NCAM2: variants seen among roughly 807,000 people sequenced by gnomAD.
The protein encoded by NCAM2 is N-CAM-2.
Under a neutral mutation model 98.1 loss-of-function variants are expected in NCAM2, and 30 were observed. The ratio of observed to expected loss-of-function variants is 0.31; its 90% CI spans 0.23 to 0.41. The LOEUF (loss-of-function observed/expected upper bound fraction) is 0.41, where lower values mean the gene tolerates loss of function less well. Among genes scored for constraint, NCAM2 ranks in the 10% least tolerant of loss-of-function variants. NCAM2 has a pLI of 1.00. For synonymous variants in NCAM2, 368 were observed against 342.4 expected (o/e 1.07, Z -0.83); for missense variants, 867 against 1,005.8 (o/e 0.86, Z 1.87).
intron 1 of NCAM2, among the ~76,000 whole-genome samples, chr21:21,245,756 C>A (rs901201328): frequency 1.3e-5 from 2 of 152,048 alleles, no homozygotes; most frequent in African/African-American, 4.8e-5. Context: ...TTATTTCTTT[C>A]TTTCTTCCCT....
intron 1 of NCAM2, among the ~76,000 whole-genome samples, chr21:21,229,354 T>C (rs2070524623): frequency 6.6e-6 from 1 of 151,550 alleles, no homozygotes; most frequent in Non-Finnish European, 1.5e-5. Context: ...GTCAAAATTA[T>C]ATTCGAAATA....
chr21:21,267,557 G>T (rs766893935), intron 1 of NCAM2, among the ~76,000 whole-genome samples: 4 of 151,940 alleles, frequency 2.6e-5, no homozygotes, highest in African/African-American at 4.8e-5. Flanking sequence ...ATTGTGTAAA[G>T]ATTTTTCACA....
intron 1 of NCAM2, among the ~76,000 whole-genome samples, chr21:21,105,291 G>T (rs73332340): frequency 0.11 from 17,322 of 151,970 alleles, 1,957 homozygotes; most frequent in African/African-American, 0.29. Flanking sequence ...AATTATGAAG[G>T]GTCCATGTAA....
At chr21:21,518,029 A>T (rs1988808036) in intron 16 of NCAM2, among the ~76,000 whole-genome samples, 1 of 152,194 alleles carries the variant, frequency 6.6e-6, no homozygotes, top group Non-Finnish European at 1.5e-5. Context: ...TCATAAAATG[A>T]GAATTTACAG....
chr21:21,228,606 A>G (rs2070488602), intron 1 of NCAM2, among the ~76,000 whole-genome samples: 1 of 151,548 alleles, frequency 6.6e-6, no homozygotes, highest in Non-Finnish European at 1.5e-5. Context: ...TTTCAAAATT[A>G]TATGTTAAAA....
intron 1 of NCAM2, among the ~76,000 whole-genome samples, chr21:21,185,466 T>C (rs1409856044): frequency 6.6e-6 from 1 of 152,182 alleles, no homozygotes; most frequent in African/African-American, 2.4e-5. Context: ...CTAGAATTAT[T>C]TCTACTTTAC....
intron 14 of NCAM2, among the ~76,000 whole-genome samples, chr21:21,469,993 A>G (rs569225956): frequency 2.0e-5 from 3 of 152,144 alleles, no homozygotes; most frequent in Admixed American, 6.6e-5. Context: ...GTTGCTCACA[A>G]TTCTAGGATG....
intron 1 of NCAM2, among the ~76,000 whole-genome samples, chr21:21,098,863 C>T (rs763480280): frequency 2.0e-5 from 3 of 151,610 alleles, no homozygotes; most frequent in Non-Finnish European, 4.4e-5. Context: ...TCATGCAGGC[C>T]ACAATTTTCA....
chr21:21,470,972 A>T (rs1984368136), intron 14 of NCAM2, among the ~76,000 whole-genome samples: 1 of 152,058 alleles, frequency 6.6e-6, no homozygotes, highest in African/African-American at 2.4e-5. Context: ...GTAATTAATC[A>T]AATATAAAGT....
intron 9 of NCAM2, chr21:21,385,590 CTT>C (rs1602179736): frequency 7.9e-7 from 1 of 1,271,500 alleles, no homozygotes; most frequent in Non-Finnish European, 1.0e-6. Flanking sequence ...CTCAAAACCT[CTT>C]TTGTGTTTCA....
At chr21:21,523,522 C>G (rs1223316954) in intron 16 of NCAM2, among the ~76,000 whole-genome samples, 1 of 151,676 alleles carries the variant, frequency 6.6e-6, no homozygotes, top group Non-Finnish European at 1.5e-5. Context: ...AAATTAAAAA[C>G]TTTTACTTTT....
At chr21:21,457,834 A>G (rs1225986016) in intron 12 of NCAM2, among the ~76,000 whole-genome samples, 3 of 152,192 alleles carry the variant, frequency 2.0e-5, no homozygotes, top group Non-Finnish European at 2.9e-5. Context: ...TTAAAGATAG[A>G]ATTATTAATC....
intron 1 of NCAM2, among the ~76,000 whole-genome samples, chr21:21,116,625 C>A (rs563773506): frequency 1.3e-5 from 2 of 152,118 alleles, no homozygotes; most frequent in Non-Finnish European, 2.9e-5. Flanking sequence ...GAGGCCGAGG[C>A]AGGTGGATCA....
chr21:21,258,920 C>T (rs2071779498), intron 1 of NCAM2, among the ~76,000 whole-genome samples: 1 of 152,074 alleles, frequency 6.6e-6, no homozygotes, highest in African/African-American at 2.4e-5. Flanking sequence ...CCATAAAGCT[C>T]ATCTTGGGAC....
At chr21:21,114,669 G>C (rs890159595) in intron 1 of NCAM2, among the ~76,000 whole-genome samples, 14 of 152,146 alleles carry the variant, frequency 9.2e-5, no homozygotes, top group African/African-American at 3.1e-4. Flanking sequence ...ATAAACCACT[G>C]ATCAGTATCT....
At chr21:21,177,199 A>G (rs1236124287) in intron 1 of NCAM2, among the ~76,000 whole-genome samples, 1 of 152,060 alleles carries the variant, frequency 6.6e-6, no homozygotes. Context: ...TCGTGTGTAG[A>G]TCCTATGTTT....
chr21:21,308,672 A>T (rs2073954112), intron 5 of NCAM2, among the ~76,000 whole-genome samples: 1 of 152,074 alleles, frequency 6.6e-6, no homozygotes, highest in Non-Finnish European at 1.5e-5. Flanking sequence ...AATTTAGAAA[A>T]GTTTTAGTCA....
Position 21,500,695 on chromosome 21 carries a change from A to G in NCAM2, c.2078-8156A>G, listed in dbSNP as rs1602508892. On this transcript the variant is annotated intron_variant, in intron 15 of 17. Transcript: ENST00000400546. Reference sequence around the variant, plus strand: ...TACATATATTTCTAATTATCTATGTAGTTTAACTGAGAGAAGTCTATCAAA... The same window carrying G: ...TACATATATTTCTAATTATCTATGTGGTTTAACTGAGAGAAGTCTATCAAA... Among the ~76,000 whole-genome samples, 3 of 152,274 alleles carry G rather than the reference A, an allele frequency of 2.0e-5. No homozygotes were observed. The South Asian group carries it at 6.2e-4, about 32-fold the overall frequency.
intron 1 of NCAM2, among the ~76,000 whole-genome samples, chr21:21,249,852 T>C (rs2071411788): frequency 6.6e-6 from 1 of 152,208 alleles, no homozygotes; most frequent in African/African-American, 2.4e-5. Flanking sequence ...TGAATTTTTC[T>C]ATGAGATTAG....
Sources: allele counts gnomAD v4.1 joint callset (sites outside exome capture counted in the v4.1 genomes callset), GRCh38; gene constraint gnomAD v4.1.1; transcripts MANE v1.5; gene names NCBI Gene and HGNC (gene_info 2026-07-23, HGNC 2026-07-21).